The following SNED1 variants were observed in gnomAD, a reference collection of about 807,000 sequenced individuals.
SNED1 encodes the protein sushi, nidogen and EGF-like domain-containing protein 1.
Under a neutral mutation model 166.7 loss-of-function variants are expected in SNED1, and 81 were observed. The observed-to-expected ratio is 0.49, with a 90% CI of 0.41 to 0.58. SNED1 has a LOEUF of 0.58. Ranked by LOEUF, SNED1 falls within the 20% of genes least tolerant of loss-of-function variation. The pLI, the probability that SNED1 is intolerant of heterozygous loss-of-function variation, is 0.00. For missense variants in SNED1, 1,604 were observed against 2,000.2 expected, an observed-to-expected ratio of 0.80 and a Z score of 3.78; for synonymous variants, 762 against 822.0, an observed-to-expected ratio of 0.93 and a Z score of 1.25.
chr2:241,035,092 C>T (rs1269527090), intron 4 of SNED1, among the ~76,000 whole-genome samples: 1 of 152,018 alleles, frequency 6.6e-6, no homozygotes, highest in African/African-American at 2.4e-5. Context: ...CCCAGGGACA[C>T]CTCTCCCTGG....
intron 1 of SNED1, among the ~76,000 whole-genome samples, chr2:241,027,430 G>A (rs2061005741): frequency 6.6e-6 from 1 of 152,160 alleles, no homozygotes; most frequent in Non-Finnish European, 1.5e-5. Flanking sequence ...GTATGGATGT[G>A]CTACATTTTG....
chr2:241,043,657 C>A (rs1235989013), intron 8 of SNED1, among the ~76,000 whole-genome samples: 1 of 152,072 alleles, frequency 6.6e-6, no homozygotes, highest in Non-Finnish European at 1.5e-5. Flanking sequence ...AATAATAAAA[C>A]TTACATGCAG....
chr2:241,032,298 C>T (rs1190604491), intron 2 of SNED1, among the ~76,000 whole-genome samples: 6 of 151,760 alleles, frequency 4.0e-5, no homozygotes, highest in Non-Finnish European at 7.4e-5. Flanking sequence ...TGCAGTGAGC[C>T]GAGATCATGC....
chr2:241,016,864 T>C (rs2060611819), intron 1 of SNED1, among the ~76,000 whole-genome samples: 2 of 150,922 alleles, frequency 1.3e-5, no homozygotes, highest in Non-Finnish European at 3.0e-5. Context: ...TTTTTTTTTT[T>C]TTTTGAGACG....
In SNED1 at chr2:240,999,124, G is replaced by A. The variant is rs949095975; in HGVS notation, c.213+74G>A. 5.2e-6 allele frequency: 5 copies of A among 954,622 alleles called. No homozygotes were observed. Among genetic ancestry groups the A allele is most frequent in the African/African-American group, 5.2e-5 (3 of 57,400 alleles). 59.1% of individuals were successfully genotyped at this position (954,622 alleles called of 1,614,324 possible). A position where few individuals can be genotyped will look rare whatever the true frequency, so the allele number is the denominator to read the frequency against. ...GCCCCGGCCGCTGCCCGCCGGGCCC[G>A]GACTCCCGCCGCCGCCGCCAGCCAC... On this transcript the variant is annotated intron_variant, in intron 1 of 31. Coordinates refer to ENST00000310397, the MANE Select transcript of SNED1 (RefSeq NM_001080437.3). This position sits in a 1 kb window ranked among gnomAD's most constrained non-coding sequence, Gnocchi z 5.8.
At chr2:241,033,441 C>T in intron 2 of SNED1, 1 of 337,028 alleles carries the variant, frequency 3.0e-6, no homozygotes, top group Non-Finnish European at 5.4e-6. Context: ...TGGCTAAGGG[C>T]AGGGGACAGT....
Position 241,009,682 on chromosome 2 carries a change from C to T in SNED1, c.213+10632C>T, listed in dbSNP as rs186514726. Among the ~76,000 whole-genome samples, 222 of 152,250 alleles carry T rather than the reference C, an allele frequency of 1.5e-3. 1 individual carries two copies. The highest frequency in any genetic ancestry group is 5.6e-3 in the Admixed American group (86 of 15,304). Reference sequence around the variant, plus strand: ...GCCCCTCCCTTACCCCTCCCCTGTCCGGGGGCGCTGAATGCAGCTCAGATG... The same window carrying T: ...GCCCCTCCCTTACCCCTCCCCTGTCTGGGGGCGCTGAATGCAGCTCAGATG... On this transcript the variant is annotated intron_variant, in intron 1 of 31. Coordinates refer to ENST00000310397, the MANE Select transcript of SNED1 (RefSeq NM_001080437.3).
At chr2:241,061,050 G>C (rs1386202129) in intron 16 of SNED1, among the ~76,000 whole-genome samples, 1 of 152,066 alleles carries the variant, frequency 6.6e-6, no homozygotes, top group African/African-American at 2.4e-5. Flanking sequence ...AAGAAATGAT[G>C]AACATACTTG....
chr2:241,055,579 C>G (rs2062017446), intron 16 of SNED1, among the ~76,000 whole-genome samples: 2 of 152,148 alleles, frequency 1.3e-5, no homozygotes, highest in African/African-American at 4.8e-5. Context: ...ATCTTTTCAC[C>G]TATTAAAGAG....
chr2:241,090,902 C>T (rs1049505245), intron 31 of SNED1, among the ~76,000 whole-genome samples: 1 of 151,682 alleles, frequency 6.6e-6, no homozygotes, highest in African/African-American at 2.4e-5. Context: ...GAATTCTGTA[C>T]GATGGCTATG....
chr2:241,037,672 G>A (rs1290233809), intron 6 of SNED1, among the ~76,000 whole-genome samples: 6 of 152,232 alleles, frequency 3.9e-5, no homozygotes, highest in South Asian at 2.1e-4. Flanking sequence ...ACCAGAGCCC[G>A]GATGGGAGCC....
In SNED1 at chr2:241,094,536, C is replaced by T; in HGVS notation, c.*2900C>T. The T allele has an allele frequency of 1.1e-5, 4 of 372,502 alleles. No homozygotes were observed. Among genetic ancestry groups the T allele is most frequent in the South Asian group, 8.3e-5 (4 of 48,154 alleles). The allele number at this position is 372,502 out of a possible 1,614,324, so 23.1% of individuals were successfully genotyped here. On this transcript the variant is annotated 3_prime_UTR_variant, in exon 32 of 32. Coordinates refer to ENST00000310397, the MANE Select transcript of SNED1 (RefSeq NM_001080437.3). The surrounding 1 kb of genome is among the most constrained non-coding windows in gnomAD (Gnocchi z 4.3). ...CAGTGCATAGGGGAAAGGAACCCGG[C>T]TGAAAAACCAGCTCCTTATTTTTCT... is the stretch of plus-strand genomic sequence containing the variant.
Position 241,075,857 on chromosome 2 carries a change from G to A in SNED1, c.3916+2493G>A, listed in dbSNP as rs1360074113. Among the ~76,000 whole-genome samples the A allele has an allele frequency of 1.3e-5, 2 of 151,974 alleles. No homozygotes were observed. Among genetic ancestry groups the A allele is most frequent in the African/African-American group, 4.8e-5 (2 of 41,358 alleles). ...CTGTAGGTCATTAATCTGTTAGACT[G>A]TGTGTGTGTGAGAAGTTGGGCTACA... On this transcript the variant is annotated intron_variant, in intron 27 of 31. Transcript: ENST00000310397. This position sits in a 1 kb window ranked among gnomAD's most constrained non-coding sequence, Gnocchi z 4.8.
At chr2:241,030,256 A>G (rs1222434959) in intron 1 of SNED1, 28 bp from the exon 2 acceptor site, 24 of 1,531,912 alleles carry the variant, frequency 1.6e-5, no homozygotes, top group African/African-American at 1.2e-4. Flanking sequence ...CCCCCAGTCA[A>G]TCCCCGCTCT....
In SNED1 at chr2:241,030,486, C is replaced by G; in HGVS notation, c.416C>G (p.Pro139Arg). Reference protein sequence around the residue: ...RATEDVRHYFPELLDFNATWV... With the variant: ...RATEDVRHYFRELLDFNATWV... Reference sequence around the variant, plus strand: ...ACGGAGGACGTCAGGCACTACTTCCCCGAGCTCCTGGACTTCAATGCCACC... The same window carrying G: ...ACGGAGGACGTCAGGCACTACTTCCGCGAGCTCCTGGACTTCAATGCCACC... The change falls in exon 2 of 32, where the codon CCC (proline) becomes CGC (arginine). Residue 139 changes from proline (P) to arginine (R), a missense_variant. Physicochemically the swap from Pro to Arg is moderately radical, Grantham distance 103. This residue lies in a region of SNED1 where 1,237 missense variants were observed against 1,620.8 expected (regional missense o/e 0.76). Transcript: ENST00000310397. 1.2e-6 allele frequency: 2 copies of G among 1,613,928 alleles called. No individual in the cohort carries two copies. Among genetic ancestry groups the G allele is most frequent in the South Asian group, 2.2e-5 (2 of 91,086 alleles).
intron 2 of SNED1, among the ~76,000 whole-genome samples, chr2:241,031,838 C>G (rs551757566): frequency 6.6e-6 from 1 of 152,358 alleles, no homozygotes; most frequent in Admixed American, 6.5e-5. Context: ...GGAATGTACA[C>G]TGTATGATCA....
chr2:240,997,677 G>T (rs182628932), upstream of SNED1, among the ~76,000 whole-genome samples: 4 of 152,286 alleles, frequency 2.6e-5, no homozygotes, highest in Non-Finnish European at 4.4e-5. Flanking sequence ...CCATCAGCCC[G>T]GCCTTTCCTG....
chr2:241,068,808 C>A lies in SNED1; in HGVS notation c.3195-103C>A. 1 of 762,554 alleles carries A rather than the reference C, an allele frequency of 1.3e-6. No individual in the cohort carries two copies. Among genetic ancestry groups the A allele is most frequent in the Non-Finnish European group, 2.1e-6 (1 of 466,288 alleles). The allele number at this position is 762,554 out of a possible 1,614,324, so 47.2% of individuals were successfully genotyped here. A position where few individuals can be genotyped will look rare whatever the true frequency, so the allele number is the denominator to read the frequency against. ...CCTGGGCCACCAGCAGCAGGATGACCTCCCCGCAGTCACCTCCTGCCTGGG... is the reference window on the plus strand; with the variant it reads ...CCTGGGCCACCAGCAGCAGGATGACATCCCCGCAGTCACCTCCTGCCTGGG... On this transcript the variant is annotated intron_variant, in intron 22 of 31. Coordinates refer to ENST00000310397, the MANE Select transcript of SNED1 (RefSeq NM_001080437.3). This position sits in a 1 kb window ranked among gnomAD's most constrained non-coding sequence, Gnocchi z 5.3.
intron 5 of SNED1, 145 bp downstream of exon 5, chr2:241,037,060 C>A (rs1164588133): frequency 6.1e-6 from 7 of 1,146,490 alleles, no homozygotes; most frequent in African/African-American, 1.6e-5. Flanking sequence ...GCTTAGGGGA[C>A]CACTGGGGAC....
Sources: allele counts gnomAD v4.1 joint callset (sites outside exome capture counted in the v4.1 genomes callset), GRCh38; gene constraint gnomAD v4.1.1; regional missense constraint gnomAD v4.1.1; non-coding constraint Gnocchi (gnomAD v3.1); transcripts MANE v1.5; gene names NCBI Gene and HGNC (gene_info 2026-07-23, HGNC 2026-07-21).